TMEM182: variants seen among roughly 807,000 people sequenced by gnomAD.
The protein encoded by TMEM182 is transmembrane protein 182.
A neutral mutation model predicts 26.8 loss-of-function variants in TMEM182; 20 were observed. The observed-to-expected ratio is 0.75, with a 90% CI of 0.53 to 1.09. The LOEUF (loss-of-function observed/expected upper bound fraction) is 1.09. Among genes scored for constraint, TMEM182 ranks in the 50% least tolerant of loss-of-function variants. TMEM182 has a pLI of 0.00. For synonymous variants in TMEM182, 109 were observed against 102.2 expected, an observed-to-expected ratio of 1.07 and a Z score of -0.40; for missense variants, 277 against 275.5, an observed-to-expected ratio of 1.01 and a Z score of -0.04.
intron 1 of TMEM182, among the ~76,000 whole-genome samples, chr2:102,750,972 T>C (rs1451487193): frequency 3.3e-5 from 5 of 152,130 alleles, no homozygotes; most frequent in Non-Finnish European, 5.9e-5. Flanking sequence ...GGGTTGCATA[T>C]AGCCGCCTTC....
intron 1 of TMEM182, among the ~76,000 whole-genome samples, chr2:102,747,679 A>C (rs886252895): frequency 2.4e-4 from 36 of 147,422 alleles, no homozygotes; most frequent in African/African-American, 8.9e-4. Flanking sequence ...TCTTTAAAGG[A>C]AAAAAATGAG....
chr2:102,825,369 A>C (rs577694221), intron 3 of TMEM182, among the ~76,000 whole-genome samples: 1 of 152,356 alleles, frequency 6.6e-6, no homozygotes, highest in South Asian at 2.1e-4. Flanking sequence ...GGTAACAAGA[A>C]GCAGGTAATA....
rs1406282802 is a variant in TMEM182, at chr2:102,815,250, G to T, written c.*282G>T. The T allele has an allele frequency of 3.4e-6, 4 of 1,160,418 alleles. No homozygotes were observed. Among genetic ancestry groups the T allele is most frequent in the Non-Finnish European group, 4.3e-6 (4 of 939,656 alleles). The allele number at this position is 1,160,418 out of a possible 1,614,324, so 71.9% of individuals were successfully genotyped here. ...GAACATGTTAGAGTTCATGCAGGTCGCAAAGGCCTGATAATAGCTTAATAC... is the reference window on the plus strand; with the variant it reads ...GAACATGTTAGAGTTCATGCAGGTCTCAAAGGCCTGATAATAGCTTAATAC... On this transcript the variant is annotated 3_prime_UTR_variant, in exon 5 of 5. Coordinates refer to ENST00000412401, the MANE Select transcript of TMEM182 (RefSeq NM_144632.5).
At position 102,740,298 on chromosome 2, in the gene TMEM182, G is replaced by C. The variant is rs6734163; in HGVS notation, c.-83+3285G>C. ...ATGTGTTGTGGGAGGGACCAAGTGG[G>C]ACATAATTGAATCATGGAGGTGGTT... is the stretch of plus-strand genomic sequence containing the variant. On this transcript the variant is annotated intron_variant, in intron 1 of 5. Transcript: ENST00000409173. Among the ~76,000 whole-genome samples, 104 of 152,254 alleles carry C rather than the reference G, an allele frequency of 6.8e-4. 2 individuals carry two copies. The highest frequency in any genetic ancestry group is 2.2e-3 in the African/African-American group (92 of 41,532).
chr2:102,837,121 T>C (rs917315946), intron 3 of TMEM182, among the ~76,000 whole-genome samples: 2 of 152,232 alleles, frequency 1.3e-5, no homozygotes, highest in South Asian at 4.1e-4. Flanking sequence ...AGTTCTCTGA[T>C]ACCCTGTGGT....
At chr2:102,831,334 A>G (rs1293503789) in intron 3 of TMEM182, among the ~76,000 whole-genome samples, 1 of 152,242 alleles carries the variant, frequency 6.6e-6, no homozygotes, top group East Asian at 1.9e-4. Context: ...TTTCTCCACA[A>G]TCCTTGCCAG....
chr2:102,828,549 A>T (rs993684592), intron 3 of TMEM182, among the ~76,000 whole-genome samples: 1 of 152,210 alleles, frequency 6.6e-6, no homozygotes, highest in Admixed American at 6.5e-5. Flanking sequence ...TGCTTCTGGT[A>T]GGAGATAACC....
chr2:102,788,535 G>C (rs1239811271), intron 3 of TMEM182, among the ~76,000 whole-genome samples: 1 of 151,820 alleles, frequency 6.6e-6, no homozygotes, highest in Non-Finnish European at 1.5e-5. Context: ...TATTACTCCT[G>C]TTACTGCAGC....
rs369032228 is a variant in TMEM182 at position 102,814,845 on chromosome 2, G to A, written c.567G>A (p.Leu189=). The change falls in exon 5 of 5, where the codon CTG becomes CTA. Residue 189 remains leucine (L), a synonymous_variant. Transcript: ENST00000412401. ...GAAACATGAAAATGAAGGACTGCCTGGATTTCACCCCTTCTGTTCTGTATG... is the reference window on the plus strand; with the variant it reads ...GAAACATGAAAATGAAGGACTGCCTAGATTTCACCCCTTCTGTTCTGTATG... ...SYRNMKMKDC[L]DFTPSVLYGW... The A allele has an allele frequency of 3.1e-6, 5 of 1,613,836 alleles. No individual in the cohort carries two copies. Among genetic ancestry groups the A allele is most frequent in the Non-Finnish European group, 4.2e-6 (5 of 1,179,932 alleles).
chr2:102,764,018 G>A (rs1680320971), intron 2 of TMEM182, among the ~76,000 whole-genome samples: 1 of 152,064 alleles, frequency 6.6e-6, no homozygotes, highest in African/African-American at 2.4e-5. Flanking sequence ...TTGGGTACTG[G>A]AGAGTATGTG....
chr2:102,757,798 A>G (rs1680089337), upstream of TMEM182, among the ~76,000 whole-genome samples: 1 of 152,202 alleles, frequency 6.6e-6, no homozygotes, highest in African/African-American at 2.4e-5. Context: ...CAGGCTTAAC[A>G]GGAAACATGA....
intron 4 of TMEM182, among the ~76,000 whole-genome samples, chr2:102,802,008 C>G (rs950201057): frequency 2.0e-5 from 3 of 152,344 alleles, no homozygotes; most frequent in East Asian, 1.9e-4. Context: ...GTCACTCGCT[C>G]TTGAGGCTTC....
chr2:102,802,814 C>T (rs1469308325), intron 4 of TMEM182, among the ~76,000 whole-genome samples: 1 of 152,196 alleles, frequency 6.6e-6, no homozygotes, highest in African/African-American at 2.4e-5. Context: ...AGGACACTGG[C>T]ATTGGGAGAT....
intron 3 of TMEM182, among the ~76,000 whole-genome samples, chr2:102,833,555 A>G (rs1349822563): frequency 6.6e-6 from 1 of 152,196 alleles, no homozygotes; most frequent in East Asian, 1.9e-4. Context: ...TTCAACTCTC[A>G]AAACTAAGTT....
chr2:102,764,312 T>C lies in TMEM182; in HGVS notation c.233-17T>C. The C allele has an allele frequency of 6.2e-7, 1 of 1,612,466 alleles. No individual in the cohort carries two copies. The highest frequency in any genetic ancestry group is 8.5e-7 in the Non-Finnish European group (1 of 1,178,612). On this transcript the variant is annotated splice_polypyrimidine_tract_variant and intron_variant, in intron 2 of 4. Coordinates refer to ENST00000412401, the MANE Select transcript of TMEM182 (RefSeq NM_144632.5). ...GCTTTTCAATAACAAGTGCCATTGT[T>C]TTGCTGTTCTTCCTAGCCAATCAGC...
At chr2:102,802,746 T>C (rs766189885) in intron 4 of TMEM182, among the ~76,000 whole-genome samples, 1 of 152,208 alleles carries the variant, frequency 6.6e-6, no homozygotes, top group African/African-American at 2.4e-5. Flanking sequence ...CAGCAATTTC[T>C]GTATGTCAGC....
At chr2:102,821,753 C>G (rs1573573412), downstream of TMEM182, among the ~76,000 whole-genome samples, 1 of 152,096 alleles carries the variant, frequency 6.6e-6, no homozygotes, top group Non-Finnish European at 1.5e-5. Flanking sequence ...AAAATGGAGG[C>G]TGAGGCGGGC....
At chr2:102,841,919 A>C (rs1683359121) in intron 3 of TMEM182, among the ~76,000 whole-genome samples, 1 of 152,236 alleles carries the variant, frequency 6.6e-6, no homozygotes. Context: ...CTGAGACTCC[A>C]TTCCATGACA....
intron 1 of TMEM182, among the ~76,000 whole-genome samples, chr2:102,742,010 G>A (rs1418598123): frequency 6.6e-6 from 1 of 152,138 alleles, no homozygotes; most frequent in Non-Finnish European, 1.5e-5. Context: ...TAAAAGACAA[G>A]AGAAAACATA....
Sources: gnomAD v4.1 joint callset for allele counts (sites outside exome capture counted in the v4.1 genomes callset) on GRCh38, gnomAD v4.1.1 for gene constraint, MANE v1.5 for transcripts, NCBI Gene and HGNC (gene_info 2026-07-23, HGNC 2026-07-21) for gene names.